GIGYF2: variants seen among roughly 807,000 people sequenced by gnomAD.
The protein encoded by GIGYF2 is GRB10-interacting GYF protein 2.
In GIGYF2, 25 loss-of-function variants were observed where a neutral mutation model predicts 208.1. The observed-to-expected ratio is 0.12, with a 90% CI of 0.09 to 0.17. GIGYF2 has a LOEUF of 0.17. Ranked by LOEUF, GIGYF2 falls within the 10% of genes least tolerant of loss-of-function variation. The pLI is 1.00. For synonymous variants in GIGYF2, 534 were observed against 543.8 expected, an observed-to-expected ratio of 0.98 and a Z score of 0.25; for missense variants, 1,302 against 1,579.4, an observed-to-expected ratio of 0.82 and a Z score of 2.98.
intron 2 of GIGYF2, among the ~76,000 whole-genome samples, chr2:232,713,449 A>G (rs934531959): frequency 2.6e-5 from 4 of 152,216 alleles, no homozygotes; most frequent in African/African-American, 9.7e-5. Context: ...AGATTTACAG[A>G]AAATTGAGAA....
At chr2:232,770,783 T>A (rs1699210335) in intron 8 of GIGYF2, 2 of 716,382 alleles carry the variant, frequency 2.8e-6, no homozygotes. Flanking sequence ...CTGCTATCAA[T>A]ATAGATAAAT....
rs1701612474 is a variant in GIGYF2, at chr2:232,836,306, ATATATATATATATATATATATAT to A, written c.2766+3214_2766+3236del. Among the ~76,000 whole-genome samples, 2 of 20,154 alleles carry A rather than the reference ATATATATATATATATATATATAT, an allele frequency of 9.9e-5. 1 individual carries two copies. The highest frequency in any genetic ancestry group is 3.3e-4 in the African/African-American group (2 of 5,996). The allele number at this position is 20,154 out of a possible 152,430, so 13.2% of individuals were successfully genotyped here. On this transcript the variant is annotated intron_variant, in intron 22 of 28. Transcript: ENST00000373563. ...TATATATATATATATATATATATAT[ATATATATATATATATATATATAT>A]ACATATATATACTTATATATTTATA...
At chr2:232,855,188 G>A (rs1470275967) in intron 28 of GIGYF2, among the ~76,000 whole-genome samples, 2 of 146,470 alleles carry the variant, frequency 1.4e-5, no homozygotes, top group South Asian at 2.2e-4. Flanking sequence ...CTGGGTTCAA[G>A]CAATTCTTGT....
rs745988167 is a variant in GIGYF2, at chr2:232,844,259, T to C, written c.3099+4T>C. The C allele has an allele frequency of 6.3e-7, 1 of 1,590,436 alleles. No homozygotes were observed. Among genetic ancestry groups the C allele is most frequent in the African/African-American group, 1.3e-5 (1 of 74,296 alleles). On this transcript the variant is annotated splice_donor_region_variant and intron_variant, in intron 24 of 28. Transcript: ENST00000373563. ...AAACAGAGCTCGTAACAATACGGTG[T>C]GTGCATTTTCCTAAGCTGTCGTTGT...
At position 232,839,801 on chromosome 2, in the gene GIGYF2, C is replaced by T. The variant is rs757813639; in HGVS notation, c.2767-48C>T. The T allele has an allele frequency of 2.5e-6, 4 of 1,605,486 alleles. No individual in the cohort carries two copies. In the South Asian group the frequency reaches 4.4e-5, roughly 18 times the overall value. On this transcript the variant is annotated intron_variant, in intron 22 of 28. Coordinates refer to ENST00000373563, the MANE Select transcript of GIGYF2 (RefSeq NM_001103146.3). ...ATAATGCATTATTGCTTCTTTGTTT[C>T]CTGTCCACATTTCCTCATGAACTTT...
At chr2:232,848,290 A>G (rs1323674629) in intron 27 of GIGYF2, among the ~76,000 whole-genome samples, 2 of 152,210 alleles carry the variant, frequency 1.3e-5, no homozygotes, top group Admixed American at 6.5e-5. Flanking sequence ...GGCACCTCAC[A>G]GCCTTCCTGT....
intron 8 of GIGYF2, among the ~76,000 whole-genome samples, chr2:232,783,030 G>A (rs1040067122): frequency 6.6e-6 from 1 of 152,202 alleles, no homozygotes; most frequent in Admixed American, 6.5e-5. Context: ...GGGGAGATGA[G>A]TGAAGTCCAT....
At chr2:232,710,661 G>T (rs1696348735) in intron 2 of GIGYF2, among the ~76,000 whole-genome samples, 1 of 149,008 alleles carries the variant, frequency 6.7e-6, no homozygotes, top group Non-Finnish European at 1.5e-5. Context: ...GATACTTTTT[G>T]AATAAGTGTC....
At chr2:232,733,234 G>A (rs916239357) in intron 2 of GIGYF2, among the ~76,000 whole-genome samples, 6 of 149,710 alleles carry the variant, frequency 4.0e-5, no homozygotes, top group Admixed American at 2.7e-4. Flanking sequence ...TCCAGCCTGG[G>A]CGACAGAGCG....
intron 16 of GIGYF2, 95 bp from the exon 17 acceptor site, chr2:232,811,149 T>TG: frequency 8.2e-6 from 6 of 727,314 alleles, no homozygotes; most frequent in Non-Finnish European, 1.5e-5. Context: ...TAATGTCTCC[T>TG]GGGGGGCTTT....
intron 2 of GIGYF2, chr2:232,705,564 C>G (rs539316373): frequency 1.3e-5 from 2 of 152,412 alleles, no homozygotes; most frequent in South Asian, 4.1e-4. Context: ...CGCCACCACA[C>G]CCCGCTAATT....
intron 2 of GIGYF2, among the ~76,000 whole-genome samples, chr2:232,733,587 G>A (rs530872953): frequency 1.9e-4 from 29 of 152,152 alleles, no homozygotes; most frequent in Non-Finnish European, 3.7e-4. Context: ...CCCCAGTGCC[G>A]TGTGTGATGT....
At chr2:232,705,935 C>T (rs1696092140) in intron 2 of GIGYF2, 1 of 152,048 alleles carries the variant, frequency 6.6e-6, no homozygotes, top group Middle Eastern at 3.4e-3. Context: ...GAACTCCCGA[C>T]CTCAGGTGAT....
chr2:232,756,195 C>CTTTTTTTTT, intron 5 of GIGYF2, 28 bp from the exon 6 acceptor site: 1 of 1,023,756 alleles, frequency 9.8e-7, no homozygotes, highest in Non-Finnish European at 1.4e-6. Flanking sequence ...TTTCCTTTTT[C>CTTTTTTTTT]TCTTTTTTTT....
In GIGYF2 at chr2:232,789,603, GTA is replaced by G; in HGVS notation, c.713-1093_713-1092del. Among the ~76,000 whole-genome samples, 3 of 152,242 alleles carry G rather than the reference GTA, an allele frequency of 2.0e-5. No homozygotes were observed. In the Middle Eastern group the frequency reaches 0.01, roughly 518 times the overall value. ...GTGAGTGGCTTATCAGATGCTACCT[GTA>G]TTTGGCATTTTAACGTTTTGCCCTT... is the stretch of plus-strand genomic sequence containing the variant. On this transcript the variant is annotated intron_variant, in intron 9 of 28. Coordinates refer to ENST00000373563, the MANE Select transcript of GIGYF2 (RefSeq NM_001103146.3).
chr2:232,845,903 G>GA lies in GIGYF2; in HGVS notation c.3460+20dup. The stretch of plus-strand genomic sequence containing the variant: ...ACTTGGATGGTAAGAATTGGGGAGG[G>GA]AAACCCGGCATGTGGAATGACAGAG... On this transcript the variant is annotated intron_variant, in intron 26 of 28. Transcript: ENST00000373563. The GA allele has an allele frequency of 2.0e-6, 3 of 1,526,636 alleles. No individual in the cohort carries two copies. Among genetic ancestry groups the GA allele is most frequent in the Non-Finnish European group, 1.8e-6 (2 of 1,101,186 alleles). 94.6% of individuals were successfully genotyped at this position (1,526,636 alleles called of 1,614,324 possible).
chr2:232,745,545 A>G (rs915070959), intron 3 of GIGYF2, among the ~76,000 whole-genome samples: 3 of 152,218 alleles, frequency 2.0e-5, no homozygotes, highest in Non-Finnish European at 2.9e-5. Flanking sequence ...GGAAGGTGCA[A>G]GTGAACCTAG....
At chr2:232,807,717 A>G (rs1459740128) in intron 15 of GIGYF2, among the ~76,000 whole-genome samples, 1 of 152,084 alleles carries the variant, frequency 6.6e-6, no homozygotes, top group Non-Finnish European at 1.5e-5. Flanking sequence ...GACGGGCTGT[A>G]GTTAAAAGTT....
chr2:232,701,858 A>G (rs2106240382), intron 1 of GIGYF2, among the ~76,000 whole-genome samples: 1 of 152,294 alleles, frequency 6.6e-6, no homozygotes, highest in Admixed American at 6.5e-5. Context: ...AGGAAAGGGA[A>G]GAAGAAATGG....
Sources: allele counts gnomAD v4.1 joint callset (sites outside exome capture counted in the v4.1 genomes callset), GRCh38; gene constraint gnomAD v4.1.1; transcripts MANE v1.5; gene names NCBI Gene and HGNC (gene_info 2026-07-23, HGNC 2026-07-21).